The following USP13 variants were observed in gnomAD, a reference collection of about 807,000 sequenced individuals.
USP13 encodes the protein ubiquitin carboxyl-terminal hydrolase 13.
A neutral mutation model predicts 107.8 loss-of-function variants in USP13; 68 were observed. The observed-to-expected ratio is 0.63, with a 90% confidence interval of 0.52 to 0.77. The LOEUF (loss-of-function observed/expected upper bound fraction) is 0.77. USP13 is among the 30% of genes least tolerant of loss of function. USP13 has a pLI of 0.00. For synonymous variants in USP13, 377 were observed against 389.5 expected (o/e 0.97, Z 0.38); for missense variants, 945 against 1,093.3 (o/e 0.86, Z 1.91).
chr3:179,657,576 C>T (rs368771142), intron 1 of USP13, among the ~76,000 whole-genome samples: 126 of 151,530 alleles, frequency 8.3e-4, no homozygotes, highest in Middle Eastern at 3.4e-3. Flanking sequence ...TCCTGGCCAA[C>T]GTGGTGAAAC....
In USP13 at chr3:179,787,256, T is replaced by C. The variant is rs1029745898; in HGVS notation, c.*3115T>C. The C allele has an allele frequency of 2.6e-5, 4 of 152,250 alleles. No individual in the cohort carries two copies. Among genetic ancestry groups the C allele is most frequent in the Non-Finnish European group, 5.9e-5 (4 of 68,080 alleles). 9.4% of individuals were successfully genotyped at this position (152,250 alleles called of 1,614,324 possible). A position where few individuals can be genotyped will look rare whatever the true frequency, so the allele number is the denominator to read the frequency against. ...TATTCCCTTTACCTGAACAGAGCCT[T>C]ACCTGCAATTCATAGTGAGAGCACC... On this transcript the variant is annotated 3_prime_UTR_variant, in exon 21 of 21. Coordinates refer to ENST00000263966, the MANE Select transcript of USP13 (RefSeq NM_003940.3).
chr3:179,687,346 G>C (rs538520321), intron 2 of USP13, among the ~76,000 whole-genome samples: 31 of 152,126 alleles, frequency 2.0e-4, no homozygotes, highest in African/African-American at 7.2e-4. Context: ...GTTCTTGTCT[G>C]AGTGCTCATT....
rs970562585 is a variant in USP13 at position 179,732,167 on chromosome 3, T to C, written c.1254+1458T>C. ...CTCAAGTTGCATTGTTACCCAGCAT[T>C]GTAAGATAGCAAGGTCCTTATCCAC... is the stretch of plus-strand genomic sequence containing the variant. On this transcript the variant is annotated intron_variant, in intron 10 of 20. Coordinates refer to ENST00000263966, the MANE Select transcript of USP13 (RefSeq NM_003940.3). Among the ~76,000 whole-genome samples the C allele has an allele frequency of 2.0e-5, 3 of 152,240 alleles. No individual in the cohort carries two copies. The East Asian group carries it at 5.8e-4, about 29-fold the overall frequency.
chr3:179,716,221 G>A (rs1423177599), intron 6 of USP13, among the ~76,000 whole-genome samples: 6 of 152,116 alleles, frequency 3.9e-5, no homozygotes, highest in African/African-American at 1.4e-4. Context: ...ACCGTGCCCG[G>A]CCTTCCATAG....
chr3:179,782,368 C>T (rs1417461002), intron 20 of USP13, among the ~76,000 whole-genome samples: 8 of 152,202 alleles, frequency 5.3e-5, no homozygotes, highest in Non-Finnish European at 1.0e-4. Flanking sequence ...ACCTTCAGTG[C>T]TTTGCCTTAC....
At chr3:179,717,005 G>T (rs1193165583) in intron 6 of USP13, among the ~76,000 whole-genome samples, 1 of 152,144 alleles carries the variant, frequency 6.6e-6, no homozygotes, top group Non-Finnish European at 1.5e-5. Flanking sequence ...CTTCTAAAAT[G>T]AATGCAGTTA....
intron 4 of USP13, among the ~76,000 whole-genome samples, chr3:179,706,025 A>AT (rs973019606): frequency 6.6e-6 from 1 of 152,004 alleles, no homozygotes; most frequent in African/African-American, 2.4e-5. Flanking sequence ...GCCCGGCCCC[A>AT]TTTTTTTGAT....
intron 3 of USP13, among the ~76,000 whole-genome samples, chr3:179,692,379 C>T (rs1712144823): frequency 1.3e-5 from 2 of 152,224 alleles, no homozygotes; most frequent in Non-Finnish European, 2.9e-5. Context: ...TGGATCCAAC[C>T]TTGCTGTCTT....
intron 17 of USP13, among the ~76,000 whole-genome samples, chr3:179,761,596 C>A (rs1020576312): frequency 8.5e-5 from 13 of 152,114 alleles, no homozygotes; most frequent in Admixed American, 8.5e-4. Flanking sequence ...GTGGTGCGTA[C>A]CTGTAGTCCC....
At chr3:179,745,279 G>T (rs907195336) in intron 13 of USP13, 62 bp downstream of exon 13, 1 of 1,521,528 alleles carries the variant, frequency 6.6e-7, no homozygotes, top group South Asian at 1.2e-5. Flanking sequence ...TGGGGACAGG[G>T]GTAAGGGAAA....
At chr3:179,707,429 A>G (rs558519840) in intron 5 of USP13, among the ~76,000 whole-genome samples, 97 of 152,226 alleles carry the variant, frequency 6.4e-4, no homozygotes, top group African/African-American at 2.2e-3. Context: ...TAAACCGGTG[A>G]CTGTGGCATG....
chr3:179,675,057 C>T (rs1044053320), intron 1 of USP13, among the ~76,000 whole-genome samples: 1 of 151,982 alleles, frequency 6.6e-6, no homozygotes, highest in Non-Finnish European at 1.5e-5. Flanking sequence ...CGCCTGTAGT[C>T]CCAGCTACTC....
chr3:179,757,084 T>C lies in USP13; in HGVS notation c.1948+6T>C, dbSNP rs201616368. The C allele has an allele frequency of 2.0e-5, 33 of 1,613,836 alleles. No individual in the cohort carries two copies. The Admixed American group carries it at 3.5e-4, about 17-fold the overall frequency. ...GATGAACCAATTGATAGACCGTATG[T>C]ATCTTTAAAAATGTTTCTCAATGTC... On this transcript the variant is annotated splice_donor_region_variant and intron_variant, in intron 16 of 20. Coordinates refer to ENST00000263966, the MANE Select transcript of USP13 (RefSeq NM_003940.3).
intron 2 of USP13, among the ~76,000 whole-genome samples, chr3:179,682,258 C>A (rs76728992): frequency 2.6e-4 from 27 of 104,120 alleles, no homozygotes; most frequent in Non-Finnish European, 4.2e-4. Flanking sequence ...AAAAAAAAAA[C>A]CGAAACTAGG....
chr3:179,741,012 G>A (rs903520647), intron 11 of USP13, among the ~76,000 whole-genome samples: 49 of 151,880 alleles, frequency 3.2e-4, no homozygotes, highest in Admixed American at 3.1e-3. Context: ...TGATCCACCC[G>A]CCTCGGCCTC....
intron 13 of USP13, 59 bp downstream of exon 13, chr3:179,745,276 A>AG: frequency 1.8e-6 from 2 of 1,096,156 alleles, no homozygotes; most frequent in South Asian, 1.3e-5. Flanking sequence ...GGGTGGGGAC[A>AG]GGGGTAAGGG....
At position 179,742,205 on chromosome 3, in the gene USP13, C is replaced by T. The variant is rs781321479; in HGVS notation, c.1389C>T (p.Arg463=). ...LHLVNLVERN[R]IGSENPSDVF... ...TACAATCCATCCTTCAGAGGAACCG[C>T]ATCGGCTCAGAAAACCCAAGCGATG... is the stretch of plus-strand genomic sequence containing the variant. Residue 463 remains arginine (R), a synonymous_variant, in exon 12 of 21, where the codon CGC becomes CGT. Transcript: ENST00000263966. This position sits in a 1 kb window ranked among gnomAD's most constrained non-coding sequence, Gnocchi z 5.0. The T allele has an allele frequency of 9.9e-6, 16 of 1,614,100 alleles. 2 individuals carry two copies. Among genetic ancestry groups the T allele is most frequent in the South Asian group, 9.9e-5 (9 of 91,088 alleles).
intron 2 of USP13, among the ~76,000 whole-genome samples, chr3:179,684,309 A>ACACG (rs1434198885): frequency 7.0e-6 from 1 of 142,548 alleles, no homozygotes; most frequent in Non-Finnish European, 1.5e-5. Context: ...ACACACACAC[A>ACACG]CACATTTTGT....
In USP13 at chr3:179,786,924, C is replaced by T. The variant is rs1715929106; in HGVS notation, c.*2783C>T. The T allele has an allele frequency of 6.6e-6, 1 of 152,096 alleles. No individual in the cohort carries two copies. Among genetic ancestry groups the T allele is most frequent in the Non-Finnish European group, 1.5e-5 (1 of 68,020 alleles). 9.4% of individuals were successfully genotyped at this position (152,096 alleles called of 1,614,324 possible). ...TTATGTAGAATTCCAATGAATATGT[C>T]TTTGGAAAAGGTAATGTATCAAAGT... On this transcript the variant is annotated 3_prime_UTR_variant, in exon 21 of 21. Coordinates refer to ENST00000263966, the MANE Select transcript of USP13 (RefSeq NM_003940.3).
Sources: gnomAD v4.1 joint callset for allele counts (sites outside exome capture counted in the v4.1 genomes callset) on GRCh38, gnomAD v4.1.1 for gene constraint, Gnocchi (gnomAD v3.1) non-coding constraint, MANE v1.5 for transcripts, NCBI Gene and HGNC (gene_info 2026-07-23, HGNC 2026-07-21) for gene names.